The following KIFC1 variants were observed in gnomAD, a reference collection of about 807,000 sequenced individuals.
KIFC1 encodes the protein kinesin family member C1.
In KIFC1, 37 loss-of-function variants were observed where a neutral mutation model predicts 66.6. The ratio of observed to expected loss-of-function variants is 0.56; its 90% CI spans 0.43 to 0.73. The LOEUF (loss-of-function observed/expected upper bound fraction) is 0.73, where lower values mean the gene tolerates loss of function less well. Ranked by LOEUF, KIFC1 falls within the 30% of genes least tolerant of loss-of-function variation. The probability of loss-of-function intolerance (pLI) is 0.00; values close to 1 mark genes in which losing one functional copy is unlikely to be tolerated. For missense variants in KIFC1, 721 were observed against 859.8 expected (o/e 0.84, Z 2.02); for synonymous variants, 325 against 343.5 (o/e 0.95, Z 0.60).
chr6:33,402,892 C>G (rs749214679), intron 3 of KIFC1, among the ~76,000 whole-genome samples: 3 of 152,120 alleles, frequency 2.0e-5, no homozygotes, highest in Admixed American at 6.6e-5. Flanking sequence ...GAGGCTGAGG[C>G]GGGAGAATCG....
At position 33,400,149 on chromosome 6, in the gene KIFC1, G is replaced by C; in HGVS notation, c.250+1762G>C. 1.7e-6 allele frequency: 2 copies of C among 1,179,996 alleles called. No individual in the cohort carries two copies. Among genetic ancestry groups the C allele is most frequent in the Non-Finnish European group, 2.5e-6 (2 of 799,610 alleles). 73.1% of individuals were successfully genotyped at this position (1,179,996 alleles called of 1,614,324 possible). A position where few individuals can be genotyped will look rare whatever the true frequency, so the allele number is the denominator to read the frequency against. On this transcript the variant is annotated intron_variant, in intron 3 of 10. Coordinates refer to ENST00000428849, the MANE Select transcript of KIFC1 (RefSeq NM_002263.4). This position sits in a 1 kb window ranked among gnomAD's most constrained non-coding sequence, Gnocchi z 4.3. ...CATCAACATTACAGCCCATAGACTG[G>C]GCAGTCCCCGGAATCTCTTTAATGG...
rs545753216 is a variant in KIFC1 at position 33,401,858 on chromosome 6, C to A, written c.251-1456C>A. ...CTGGGACTACAGGTGCCCGCCACCA[C>A]GCCTGGTTAATTTTGTTTTTGTATT... On this transcript the variant is annotated intron_variant, in intron 3 of 10. Coordinates refer to ENST00000428849, the MANE Select transcript of KIFC1 (RefSeq NM_002263.4). The surrounding 1 kb of genome is among the most constrained non-coding windows in gnomAD (Gnocchi z 4.5). Among the ~76,000 whole-genome samples, 2 of 152,076 alleles carry A rather than the reference C, an allele frequency of 1.3e-5. No individual in the cohort carries two copies. Among genetic ancestry groups the A allele is most frequent in the Non-Finnish European group, 2.9e-5 (2 of 68,014 alleles).
chr6:33,406,334 GC>G lies in KIFC1; in HGVS notation c.1681del (p.Leu561SerfsTer16), dbSNP rs1562839389. ...EHSSRGLQCGAPLSLVDLAGS... is the reference protein window; with the variant it reads ...EHSSRGLQCGXPLSLVDLAGS... ...CTCCAGCCGAGGCCTGCAGTGTGGG[GC>G]CCCCCTCAGTCTTGTGGACCTGGCC... On this transcript the variant is annotated frameshift_variant, in exon 8 of 11. Transcript: ENST00000428849. LOFTEE classifies it high-confidence loss of function. This position sits in a 1 kb window ranked among gnomAD's most constrained non-coding sequence, Gnocchi z 4.5. The G allele has an allele frequency of 6.2e-7, 1 of 1,614,226 alleles. No individual in the cohort carries two copies.
chr6:33,394,096 G>A (rs1690034064), intron 1 of KIFC1, among the ~76,000 whole-genome samples: 1 of 152,126 alleles, frequency 6.6e-6, no homozygotes, highest in South Asian at 2.1e-4. Flanking sequence ...GGCATCTAGT[G>A]GGTAGAGGGC....
chr6:33,395,773 A>G (rs557580263), intron 1 of KIFC1, among the ~76,000 whole-genome samples: 1 of 152,308 alleles, frequency 6.6e-6, no homozygotes, highest in African/African-American at 2.4e-5. Context: ...TTAGTGTTTG[A>G]CTTTGGAATA....
Position 33,403,929 on chromosome 6 carries a change from A to G in KIFC1, c.556A>G (p.Thr186Ala). Residue 186 changes from threonine to alanine, a missense_variant, in exon 6 of 11, where the codon ACA becomes GCA. By Grantham distance (58) the Thr-to-Ala change is moderately conservative. Coordinates refer to ENST00000428849, the MANE Select transcript of KIFC1 (RefSeq NM_002263.4). This position sits in a 1 kb window ranked among gnomAD's most constrained non-coding sequence, Gnocchi z 4.6. ...GGTCAAGGCCCTGGGGACAGAGCGC[A>G]CAACACTGGAGGGGCATTTAGCCAA... Reference protein sequence around the residue: ...QQVKALGTERTTLEGHLAKVQ... With the variant: ...QQVKALGTERATLEGHLAKVQ... The G allele has an allele frequency of 6.2e-7, 1 of 1,614,226 alleles. No individual in the cohort carries two copies. Among genetic ancestry groups the G allele is most frequent in the Non-Finnish European group, 8.5e-7 (1 of 1,180,024 alleles).
At position 33,398,351 on chromosome 6, in the gene KIFC1, C is replaced by G; in HGVS notation, c.214C>G (p.Leu72Val). ...ITTSHPRVPS[L>V]TTVPQTQGQT... ...CACATCCCACCCAAGAGTTCCATCC[C>G]TCACTACAGTGCCACAGACACAAGG... is the stretch of plus-strand genomic sequence containing the variant. The change falls in exon 3 of 11, where the codon CTC (leucine) becomes GTC (valine). Residue 72 changes from leucine to valine, a missense_variant. Coordinates refer to ENST00000428849, the MANE Select transcript of KIFC1 (RefSeq NM_002263.4). 1 of 1,614,072 alleles carries G rather than the reference C, an allele frequency of 6.2e-7. No individual in the cohort carries two copies. Among genetic ancestry groups the G allele is most frequent in the Middle Eastern group, 1.7e-4 (1 of 6,052 alleles).
intron 3 of KIFC1, among the ~76,000 whole-genome samples, chr6:33,399,464 C>T (rs916764692): frequency 9.9e-5 from 15 of 152,250 alleles, no homozygotes; most frequent in Admixed American, 9.2e-4. Context: ...TGTCACTTGG[C>T]AATGCAGATA....
intron 1 of KIFC1, among the ~76,000 whole-genome samples, chr6:33,396,436 CTTTTTTTTTT>C (rs199749552): frequency 0.12 from 13,920 of 116,576 alleles, 969 homozygotes; most frequent in Middle Eastern, 0.23. Flanking sequence ...CTTTTCTTTT[CTTTTTTTTTT>C]TTTTTTTTTG....
In KIFC1 at chr6:33,403,592, G is replaced by A. The variant is rs533390421; in HGVS notation, c.355+57G>A. The A allele has an allele frequency of 2.6e-4, 407 of 1,594,066 alleles. 3 individuals carry two copies. In the South Asian group the frequency reaches 4.0e-3, roughly 16 times the overall value. On this transcript the variant is annotated intron_variant, in intron 5 of 10. Coordinates refer to ENST00000428849, the MANE Select transcript of KIFC1 (RefSeq NM_002263.4). This position sits in a 1 kb window ranked among gnomAD's most constrained non-coding sequence, Gnocchi z 4.6. ...GCTGGGATAGGGAAGAGAAGATGGT[G>A]AGTGACCAGAAAAATCCATTTGGTC...
chr6:33,408,447 T>G lies in KIFC1; in HGVS notation c.1978-1199T>G, dbSNP rs185558876. On this transcript the variant is annotated intron_variant, in intron 10 of 10. Transcript: ENST00000428849. ...TTGACTTTTTCACCTAGTGATTTTA[T>G]CCAGCAGTGACCATACCTGGATCTT... is the stretch of plus-strand genomic sequence containing the variant. Among the ~76,000 whole-genome samples the G allele has an allele frequency of 2.8e-4, 42 of 152,344 alleles. 1 individual carries two copies. The East Asian group carries it at 5.4e-3, about 20-fold the overall frequency.
In KIFC1 at chr6:33,406,845, G is replaced by A; in HGVS notation, c.1947G>A (p.Glu649=). The A allele has an allele frequency of 1.2e-6, 2 of 1,614,096 alleles. No individual in the cohort carries two copies. Among genetic ancestry groups the A allele is most frequent in the Non-Finnish European group, 1.7e-6 (2 of 1,180,028 alleles). ...CTCCACTGGAAGAGAACGTCTCCGA[G>A]TCCCTCAACTCTCTACGCTTTGCCT... ...NISPLEENVS[E]SLNSLRFASK... Residue 649 remains glutamate, a synonymous_variant, in exon 10 of 11, where the codon GAG becomes GAA. Transcript: ENST00000428849. This position sits in a 1 kb window ranked among gnomAD's most constrained non-coding sequence, Gnocchi z 4.5.
intron 1 of KIFC1, among the ~76,000 whole-genome samples, chr6:33,393,279 G>A (rs1374058574): frequency 6.6e-6 from 1 of 152,092 alleles, no homozygotes; most frequent in Non-Finnish European, 1.5e-5. Flanking sequence ...AGGAAGTCAG[G>A]TAATGGGTAG....
Position 33,406,427 on chromosome 6 carries a change from C to A in KIFC1, c.1768C>A (p.Gln590Lys). Residue 590 changes from glutamine (Q) to lysine (K), a missense_variant, in exon 8 of 11, where the codon CAG becomes AAG. Transcript: ENST00000428849. This position sits in a 1 kb window ranked among gnomAD's most constrained non-coding sequence, Gnocchi z 4.5. ...GGAGCGGGAACGCCTTCGGGAAACA[C>A]AGGCCATTAACAGCAGCCTGTCCAC... Reference protein sequence around the residue: ...PGERERLRETQAINSSLSTLG... With the variant: ...PGERERLRETKAINSSLSTLG... 1 of 1,605,546 alleles carries A rather than the reference C, an allele frequency of 6.2e-7. No individual in the cohort carries two copies. The highest frequency in any genetic ancestry group is 1.1e-5 in the South Asian group (1 of 90,290).
intron 10 of KIFC1, among the ~76,000 whole-genome samples, chr6:33,408,844 CT>C (rs1187301909): frequency 6.7e-6 from 1 of 148,152 alleles, no homozygotes; most frequent in African/African-American, 2.5e-5. Flanking sequence ...AGTCGTTCTT[CT>C]TTCTGATGCT....
Position 33,391,967 on chromosome 6 carries a change from G to T in KIFC1, c.-19G>T, listed in dbSNP as rs769955814. 1.2e-6 allele frequency: 2 copies of T among 1,613,964 alleles called. No homozygotes were observed. The highest frequency in any genetic ancestry group is 1.7e-5 in the Admixed American group (1 of 60,016). On this transcript the variant is annotated 5_prime_UTR_variant, in exon 1 of 11. Coordinates refer to ENST00000428849, the MANE Select transcript of KIFC1 (RefSeq NM_002263.4). ...CTCTTCCACTGCATTCCCCCGGCGCGTGTGGGACCGAGGTGGACATGGATC... is the reference window on the plus strand; with the variant it reads ...CTCTTCCACTGCATTCCCCCGGCGCTTGTGGGACCGAGGTGGACATGGATC...
intron 3 of KIFC1, 100 bp downstream of exon 3, chr6:33,398,487 C>CTCTGTCTCAAAAAAA: frequency 2.1e-6 from 2 of 947,438 alleles, no homozygotes; most frequent in Non-Finnish European, 3.3e-6. Context: ...TTTTTTGAGA[C>CTCTGTCTCAAAAAAA]AGAGTCTCGC....
chr6:33,406,175 C>G lies in KIFC1; in HGVS notation c.1537-21C>G. Reference sequence around the variant, plus strand: ...TACTGACTTCTGCCTGCCTTTTTGCCCCTTCTGCTCCCATCCCCAGGTGGA... The same window carrying G: ...TACTGACTTCTGCCTGCCTTTTTGCGCCTTCTGCTCCCATCCCCAGGTGGA... On this transcript the variant is annotated intron_variant, in intron 7 of 10. Transcript: ENST00000428849. The surrounding 1 kb of genome is among the most constrained non-coding windows in gnomAD (Gnocchi z 4.5). The G allele has an allele frequency of 6.4e-7, 1 of 1,572,124 alleles. No individual in the cohort carries two copies. Among genetic ancestry groups the G allele is most frequent in the Non-Finnish European group, 8.6e-7 (1 of 1,157,396 alleles).
chr6:33,395,577 G>A (rs987294801), intron 1 of KIFC1, among the ~76,000 whole-genome samples: 1 of 152,140 alleles, frequency 6.6e-6, no homozygotes. Flanking sequence ...GAAAGTTGGA[G>A]GGCATCATTC....
Sources: allele counts gnomAD v4.1 joint callset (sites outside exome capture counted in the v4.1 genomes callset), GRCh38; gene constraint gnomAD v4.1.1; non-coding constraint Gnocchi (gnomAD v3.1); transcripts MANE v1.5; gene names NCBI Gene and HGNC (gene_info 2026-07-23, HGNC 2026-07-21).